The following BID variants were observed in gnomAD, a reference collection of about 807,000 sequenced individuals.
BID encodes BH3 interacting domain death agonist, also known as BH3-interacting domain death agonist.
Under a neutral mutation model 17.4 loss-of-function variants are expected in BID, and 19 were observed. The ratio of observed to expected loss-of-function variants is 1.09; its 90% CI spans 0.76 to 1.60. The LOEUF (loss-of-function observed/expected upper bound fraction) is 1.60, where lower values mean the gene tolerates loss of function less well. Ranked by LOEUF, BID falls within the 40% of genes most tolerant of loss-of-function variation. The pLI, the probability that BID is intolerant of heterozygous loss-of-function variation, is 0.00. For missense variants in BID, 226 were observed against 256.0 expected (o/e 0.88, Z 0.80); for synonymous variants, 108 against 102.8 (o/e 1.05, Z -0.31).
At chr22:17,750,210 G>T (rs1409733907) in intron 1 of BID, 36 bp from the exon 2 acceptor site, 3 of 1,575,040 alleles carry the variant, frequency 1.9e-6, no homozygotes, top group Non-Finnish European at 2.6e-6. Flanking sequence ...GGCCGCTCCT[G>T]GGAAGCCCTG....
Position 17,751,245 on chromosome 22 carries a change from G to A in BID, c.-58-1071C>T, listed in dbSNP as rs1021470815. Among the ~76,000 whole-genome samples the A allele has an allele frequency of 4.0e-5, 6 of 151,850 alleles. No homozygotes were observed. The South Asian group carries it at 8.3e-4, about 21-fold the overall frequency. On this transcript the variant is annotated intron_variant, in intron 1 of 5. Coordinates refer to ENST00000622694, the MANE Select transcript of BID (RefSeq NM_001196.4). ...AAATTAGCCGGGCGCGGTGGCGGGCGCCTGTAGTCCCAGCTACTCGGGAGG... is the reference window on the plus strand; with the variant it reads ...AAATTAGCCGGGCGCGGTGGCGGGCACCTGTAGTCCCAGCTACTCGGGAGG...
At chr22:17,768,914 C>T (rs1448872435) in intron 1 of BID, among the ~76,000 whole-genome samples, 3 of 145,824 alleles carry the variant, frequency 2.1e-5, no homozygotes, top group Admixed American at 1.4e-4. Context: ...TGGTGGTGGG[C>T]GCCTGTAGTC....
At chr22:17,758,087 G>A (rs2061607392) in intron 1 of BID, among the ~76,000 whole-genome samples, 1 of 152,194 alleles carries the variant, frequency 6.6e-6, no homozygotes, top group Non-Finnish European at 1.5e-5. Context: ...CCTCCTGGGG[G>A]GTCCTTGAAG....
Position 17,771,004 on chromosome 22 carries a change from G to A in BID, c.-59+3377C>T, listed in dbSNP as rs114299223. Reference sequence around the variant, plus strand: ...CACAGCAGCCACAGAGGCCACCCACGGCTTCCACTAGGACAGTGTGTCTTT... The same window carrying A: ...CACAGCAGCCACAGAGGCCACCCACAGCTTCCACTAGGACAGTGTGTCTTT... On this transcript the variant is annotated intron_variant, in intron 1 of 5. Transcript: ENST00000622694. 3.9e-3 allele frequency among the ~76,000 whole-genome samples: 598 copies of A among 152,336 alleles called. 2 individuals are homozygous for A. The highest frequency in any genetic ancestry group is 0.013 in the African/African-American group (552 of 41,580).
intron 1 of BID, among the ~76,000 whole-genome samples, chr22:17,767,581 A>G (rs1250382126): frequency 1.3e-5 from 2 of 152,222 alleles, no homozygotes; most frequent in East Asian, 3.8e-4. Flanking sequence ...ACGAAGTCTG[A>G]TCATCCAGAT....
intron 5 of BID, among the ~76,000 whole-genome samples, chr22:17,736,183 G>A (rs577364521): frequency 6.6e-6 from 1 of 152,220 alleles, no homozygotes; most frequent in African/African-American, 2.4e-5. Flanking sequence ...ACATTAGGCC[G>A]GGCGCAGTGG....
chr22:17,755,309 C>T (rs2061574135), intron 1 of BID, among the ~76,000 whole-genome samples: 1 of 152,156 alleles, frequency 6.6e-6, no homozygotes, highest in African/African-American at 2.4e-5. Flanking sequence ...TCACAGCATG[C>T]TCCGTGCAGT....
chr22:17,774,394 C>CG lies in BID; in HGVS notation c.-73dup. The CG allele has an allele frequency of 1.3e-5, 3 of 235,572 alleles. No individual in the cohort carries two copies. Among genetic ancestry groups the CG allele is most frequent in the Non-Finnish European group, 2.7e-5 (3 of 109,172 alleles). 14.6% of individuals were successfully genotyped at this position (235,572 alleles called of 1,614,324 possible). A position where few individuals can be genotyped will look rare whatever the true frequency, so the allele number is the denominator to read the frequency against. ...GGGTGCACTCACCACCCTCCAGCCGCGGGGGCGCGGGCGCGTCCGGGCCGA... is the reference window on the plus strand; with the variant it reads ...GGGTGCACTCACCACCCTCCAGCCGCGGGGGGCGCGGGCGCGTCCGGGCCGA... On this transcript the variant is annotated 5_prime_UTR_variant, in exon 1 of 6. Transcript: ENST00000622694.
chr22:17,771,773 G>A (rs915611707), intron 1 of BID, among the ~76,000 whole-genome samples: 10 of 144,650 alleles, frequency 6.9e-5, no homozygotes, highest in African/African-American at 2.9e-4. Context: ...GGGCTGGATG[G>A]GGCTGTAGGA....
At chr22:17,742,157 G>A (rs1048045829) in intron 3 of BID, among the ~76,000 whole-genome samples, 1 of 152,140 alleles carries the variant, frequency 6.6e-6, no homozygotes. Flanking sequence ...TTCCAGGCTC[G>A]CCAGGGACTA....
At chr22:17,763,487 G>A (rs1425948416) in intron 1 of BID, among the ~76,000 whole-genome samples, 6 of 152,040 alleles carry the variant, frequency 3.9e-5, no homozygotes, top group Middle Eastern at 3.4e-3. Context: ...CAGGTGATCC[G>A]CCCGCCTTGG....
Position 17,769,676 on chromosome 22 carries a change from G to A in BID, c.-59+4705C>T, listed in dbSNP as rs183393610. The stretch of plus-strand genomic sequence containing the variant: ...CTCATAGCATGCCTGCCTCAGTTCC[G>A]CAGCCAGGACGGTGCCTTACTGACT... On this transcript the variant is annotated intron_variant, in intron 1 of 5. Transcript: ENST00000622694. This position sits in a 1 kb window ranked among gnomAD's most constrained non-coding sequence, Gnocchi z 4.8. Among the ~76,000 whole-genome samples, 746 of 152,312 alleles carry A rather than the reference G, an allele frequency of 4.9e-3. 1 individual carries two copies. Among genetic ancestry groups the A allele is most frequent in the Non-Finnish European group, 7.5e-3 (508 of 68,022 alleles).
chr22:17,759,920 A>G lies in BID; in HGVS notation c.-58-9746T>C, dbSNP rs190044061. 6.8e-3 allele frequency among the ~76,000 whole-genome samples: 1,028 copies of G among 151,948 alleles called. 13 individuals carry two copies. Among genetic ancestry groups the G allele is most frequent in the African/African-American group, 0.024 (976 of 41,422 alleles). Reference sequence around the variant, plus strand: ...CACTTTGGGAGGCCGAAGCGGGTGGATCACGATGTCAGGAGATCGAGACCA... The same window carrying G: ...CACTTTGGGAGGCCGAAGCGGGTGGGTCACGATGTCAGGAGATCGAGACCA... On this transcript the variant is annotated intron_variant, in intron 1 of 5. Coordinates refer to ENST00000622694, the MANE Select transcript of BID (RefSeq NM_001196.4).
chr22:17,763,742 T>A (rs1601876032), intron 1 of BID, among the ~76,000 whole-genome samples: 1 of 148,534 alleles, frequency 6.7e-6, no homozygotes. Context: ...CAACCATTTA[T>A]TAGAACCAAT....
At chr22:17,739,653 G>A (rs2061444794) in intron 3 of BID, 165 bp from the exon 4 acceptor site, 10 of 928,094 alleles carry the variant, frequency 1.1e-5, no homozygotes, top group Non-Finnish European at 1.4e-5. Context: ...GGCGGGCTGA[G>A]TACCAGCGCT....
At chr22:17,748,562 G>T (rs983305383) in intron 2 of BID, among the ~76,000 whole-genome samples, 1 of 152,128 alleles carries the variant, frequency 6.6e-6, no homozygotes, top group Non-Finnish European at 1.5e-5. Flanking sequence ...AAGTTATGAT[G>T]GGAAAAAAGG....
At position 17,769,437 on chromosome 22, in the gene BID, C is replaced by T. The variant is rs1320163042; in HGVS notation, c.-59+4944G>A. Among the ~76,000 whole-genome samples, 1 of 152,228 alleles carries T rather than the reference C, an allele frequency of 6.6e-6. No individual in the cohort carries two copies. The highest frequency in any genetic ancestry group is 2.4e-5 in the African/African-American group (1 of 41,454). ...ACACCTGGGGCCAGGTTTCTCACAG[C>T]CAGGCCCCATCTCTCCCTGCCTGGA... is the stretch of plus-strand genomic sequence containing the variant. On this transcript the variant is annotated intron_variant, in intron 1 of 5. Transcript: ENST00000622694. The surrounding 1 kb of genome is among the most constrained non-coding windows in gnomAD (Gnocchi z 4.8).
At chr22:17,771,185 C>T (rs1266076137) in intron 1 of BID, among the ~76,000 whole-genome samples, 25 of 152,216 alleles carry the variant, frequency 1.6e-4, no homozygotes, top group Admixed American at 1.6e-3. Flanking sequence ...CTGCAAGCTC[C>T]ACCTCCCGGG....
chr22:17,737,980 G>A lies in BID; in HGVS notation c.576+37C>T, dbSNP rs200477407. On this transcript the variant is annotated intron_variant, in intron 5 of 5. Transcript: ENST00000622694. ...ACCTTCCAGAGAAAAGGGCATGGGC[G>A]GCAGGCAGGGAAGGAGCTGACCTCA... 3,102 of 1,605,324 alleles carry A rather than the reference G, an allele frequency of 1.9e-3. 6 individuals are homozygous for A. The highest frequency in any genetic ancestry group is 2.4e-3 in the Non-Finnish European group (2,824 of 1,172,370).
Sources: allele counts gnomAD v4.1 joint callset (sites outside exome capture counted in the v4.1 genomes callset), GRCh38; gene constraint gnomAD v4.1.1; non-coding constraint Gnocchi (gnomAD v3.1); transcripts MANE v1.5; gene names NCBI Gene and HGNC (gene_info 2026-07-23, HGNC 2026-07-21).